ANTXR2: variants seen among roughly 807,000 people sequenced by gnomAD.
ANTXR2 encodes anthrax toxin receptor 2.
A neutral mutation model predicts 73.7 loss-of-function variants in ANTXR2; 44 were observed. The observed-to-expected ratio is 0.60, with a 90% confidence interval of 0.47 to 0.77. The LOEUF (loss-of-function observed/expected upper bound fraction) is 0.77, where lower values mean the gene tolerates loss of function less well. Among genes scored for constraint, ANTXR2 ranks in the 30% least tolerant of loss-of-function variants. The probability of loss-of-function intolerance (pLI) is 0.00; values close to 1 mark genes in which losing one functional copy is unlikely to be tolerated. For missense variants in ANTXR2, 604 were observed against 592.5 expected (o/e 1.02, Z -0.20); for synonymous variants, 217 against 205.9 (o/e 1.05, Z -0.46).
At chr4:80,033,070 G>A (rs1732775461) in intron 9 of ANTXR2, among the ~76,000 whole-genome samples, 1 of 151,892 alleles carries the variant, frequency 6.6e-6, no homozygotes, top group Non-Finnish European at 1.5e-5. Flanking sequence ...TAAGGCAGGT[G>A]TGACAAGAAA....
intron 6 of ANTXR2, among the ~76,000 whole-genome samples, 164 bp from the exon 7 acceptor site, chr4:80,054,516 T>C (rs1281174100): frequency 6.6e-6 from 1 of 151,814 alleles, no homozygotes; most frequent in Non-Finnish European, 1.5e-5. Flanking sequence ...ATGATACTAG[T>C]GTTACTCTAA....
intron 12 of ANTXR2, among the ~76,000 whole-genome samples, chr4:80,003,075 G>T (rs1177764161): frequency 1.3e-5 from 2 of 151,570 alleles, no homozygotes; most frequent in African/African-American, 2.4e-5. Flanking sequence ...ATACCCAAAG[G>T]ACTATAAATC....
intron 3 of ANTXR2, among the ~76,000 whole-genome samples, chr4:80,061,531 G>A (rs779544803): frequency 1.3e-5 from 2 of 151,946 alleles, no homozygotes; most frequent in Non-Finnish European, 2.9e-5. Context: ...CAATACATAA[G>A]GATTTTATGA....
intron 16 of ANTXR2, among the ~76,000 whole-genome samples, chr4:79,949,570 T>C (rs1370275031): frequency 6.6e-6 from 1 of 152,186 alleles, no homozygotes; most frequent in Non-Finnish European, 1.5e-5. Context: ...CAAGAATTTA[T>C]TTCTTGGTAG....
intron 1 of ANTXR2, 48 bp downstream of exon 1, chr4:80,072,361 C>T: frequency 6.6e-7 from 1 of 1,518,244 alleles, no homozygotes; most frequent in Non-Finnish European, 8.8e-7. Flanking sequence ...CCCAGCTGAT[C>T]CAGTGCCGCC....
At chr4:79,963,847 T>C (rs1037598744) in intron 16 of ANTXR2, among the ~76,000 whole-genome samples, 3 of 152,200 alleles carry the variant, frequency 2.0e-5, no homozygotes, top group Non-Finnish European at 1.5e-5. Flanking sequence ...TTTTTGTTTC[T>C]GGCTGAATGT....
At chr4:80,062,343 A>G (rs1734302118) in intron 3 of ANTXR2, among the ~76,000 whole-genome samples, 2 of 152,186 alleles carry the variant, frequency 1.3e-5, no homozygotes, top group Admixed American at 6.5e-5. Context: ...CTTTTACTCC[A>G]TTTTCCCACT....
intron 16 of ANTXR2, among the ~76,000 whole-genome samples, chr4:79,918,074 T>TA (rs1473343865): frequency 6.6e-5 from 10 of 151,846 alleles, no homozygotes; most frequent in Non-Finnish European, 1.2e-4. Context: ...ATATCCGAAA[T>TA]AAAAAATGTA....
At chr4:80,036,595 G>A (rs1041748642) in intron 7 of ANTXR2, among the ~76,000 whole-genome samples, 1 of 152,044 alleles carries the variant, frequency 6.6e-6, no homozygotes, top group African/African-American at 2.4e-5. Context: ...GGGGTCAGGA[G>A]TTCAAGACCA....
rs373292501 is a variant in ANTXR2, at chr4:80,054,311, G to C, written c.597C>G (p.Val199=). The C allele has an allele frequency of 6.3e-7, 1 of 1,595,756 alleles. No individual in the cohort carries two copies. Among genetic ancestry groups the C allele is most frequent in the African/African-American group, 1.4e-5 (1 of 73,610 alleles). Residue 199 remains valine (V), a synonymous_variant, in exon 7 of 17, where the codon GTC becomes GTG. Coordinates refer to ENST00000403729, the MANE Select transcript of ANTXR2 (RefSeq NM_058172.6). ...CTTTAAGAGCCTGAAATCCACCTTT[G>C]ACAGGGAAAACTTGCTCCTTGGAAT... is the stretch of plus-strand genomic sequence containing the variant. ...IADSKEQVFP[V]KGGFQALKGI...
chr4:80,043,677 T>G (rs544602314), intron 7 of ANTXR2, among the ~76,000 whole-genome samples: 2 of 152,138 alleles, frequency 1.3e-5, no homozygotes, highest in South Asian at 4.1e-4. Context: ...AAGATAAAGC[T>G]GTTTATGTAT....
chr4:80,041,801 T>C (rs1374595603), intron 7 of ANTXR2, among the ~76,000 whole-genome samples: 1 of 152,130 alleles, frequency 6.6e-6, no homozygotes, highest in African/African-American at 2.4e-5. Flanking sequence ...CATGATCTCA[T>C]TCCTTTTTAT....
rs1726889506 is a variant in ANTXR2, at chr4:79,905,985, A to G, written c.*1444T>C. ...CCAGCCACTGGTCATTGTCTATACC[A>G]GTTCACATCAAAGCAGGCGCACTTT... On this transcript the variant is annotated 3_prime_UTR_variant, in exon 17 of 17. Transcript: ENST00000403729. 1 of 152,550 alleles carries G rather than the reference A, an allele frequency of 6.6e-6. No homozygotes were observed. Among genetic ancestry groups the G allele is most frequent in the Non-Finnish European group, 1.5e-5 (1 of 68,034 alleles). 9.4% of individuals were successfully genotyped at this position (152,550 alleles called of 1,614,324 possible).
chr4:79,989,785 T>C (rs1313147789), intron 12 of ANTXR2, among the ~76,000 whole-genome samples: 3 of 152,086 alleles, frequency 2.0e-5, no homozygotes, highest in Admixed American at 2.0e-4. Flanking sequence ...TAATCCACCA[T>C]GATCCAGTAG....
chr4:79,917,202 A>G (rs1727387123), intron 16 of ANTXR2, among the ~76,000 whole-genome samples: 1 of 152,150 alleles, frequency 6.6e-6, no homozygotes, highest in African/African-American at 2.4e-5. Context: ...AGTCAACTGA[A>G]GGCTGGGAGA....
chr4:79,965,718 T>C (rs1560916797), intron 16 of ANTXR2, among the ~76,000 whole-genome samples: 1 of 152,200 alleles, frequency 6.6e-6, no homozygotes, highest in Non-Finnish European at 1.5e-5. Context: ...AGAATTGACC[T>C]TAACAGACAA....
chr4:80,011,267 C>T (rs1482227029), intron 11 of ANTXR2, among the ~76,000 whole-genome samples: 2 of 142,466 alleles, frequency 1.4e-5, no homozygotes, highest in Non-Finnish European at 3.1e-5. Flanking sequence ...GCAACCTGGT[C>T]TTGCTATCTA....
intron 3 of ANTXR2, among the ~76,000 whole-genome samples, chr4:80,068,417 AG>A (rs1227851769): frequency 6.6e-6 from 1 of 152,208 alleles, no homozygotes; most frequent in African/African-American, 2.4e-5. Context: ...TGTTAAATAA[AG>A]TAGACATAAA....
chr4:80,069,928 A>G (rs1209321335), intron 2 of ANTXR2, among the ~76,000 whole-genome samples: 3 of 152,366 alleles, frequency 2.0e-5, no homozygotes, highest in East Asian at 1.9e-4. Context: ...GACCATAACT[A>G]TGATATGAGT....
Sources: gnomAD v4.1 joint callset for allele counts (sites outside exome capture counted in the v4.1 genomes callset) on GRCh38, gnomAD v4.1.1 for gene constraint, MANE v1.5 for transcripts, NCBI Gene and HGNC (gene_info 2026-07-23, HGNC 2026-07-21) for gene names.